UBA6: variants seen among roughly 807,000 people sequenced by gnomAD.
UBA6 encodes the protein ubiquitin like modifier activating enzyme 6, also known as ubiquitin-like modifier-activating enzyme 6.
A neutral mutation model predicts 148.3 loss-of-function variants in UBA6; 87 were observed. That is an observed-to-expected ratio of 0.59 (90% CI 0.49 to 0.70). The LOEUF (loss-of-function observed/expected upper bound fraction) is 0.70, where lower values mean the gene tolerates loss of function less well. Ranked by LOEUF, UBA6 falls within the 30% of genes least tolerant of loss-of-function variation. The pLI, the probability that UBA6 is intolerant of heterozygous loss-of-function variation, is 0.00. For missense variants in UBA6, 1,186 were observed against 1,241.2 expected (o/e 0.96, Z 0.67); for synonymous variants, 376 against 401.0 (o/e 0.94, Z 0.75).
At chr4:67,653,648 C>T (rs1300419304) in intron 13 of UBA6, among the ~76,000 whole-genome samples, 1 of 151,814 alleles carries the variant, frequency 6.6e-6, no homozygotes, top group African/African-American at 2.4e-5. Context: ...ATTGGAGATC[C>T]TCGCCAGCAA....
At chr4:67,652,501 C>G (rs1729575800) in intron 13 of UBA6, among the ~76,000 whole-genome samples, 1 of 152,188 alleles carries the variant, frequency 6.6e-6, no homozygotes, top group Non-Finnish European at 1.5e-5. Flanking sequence ...CAAAACGGTA[C>G]AGCTACTTTG....
chr4:67,659,579 T>C (rs1197539031), intron 13 of UBA6, among the ~76,000 whole-genome samples: 1 of 152,106 alleles, frequency 6.6e-6, no homozygotes, highest in Admixed American at 6.5e-5. Flanking sequence ...GTCAATTACC[T>C]CTTTCCTATA....
chr4:67,635,702 C>G (rs1729122491), intron 19 of UBA6, 144 bp from the exon 20 acceptor site: 1 of 601,508 alleles, frequency 1.7e-6, no homozygotes, highest in Non-Finnish European at 3.0e-6. Flanking sequence ...ATACTACTAT[C>G]AAACAGTGGA....
chr4:67,677,822 C>A, intron 5 of UBA6, 100 bp from the exon 6 acceptor site: 1 of 557,416 alleles, frequency 1.8e-6, no homozygotes, highest in South Asian at 3.0e-5. Flanking sequence ...TGACATGTTA[C>A]AAAATTTCAA....
In UBA6 at chr4:67,668,543, T is replaced by C. The variant is rs745446160; in HGVS notation, c.793+8A>G. On this transcript the variant is annotated splice_region_variant and intron_variant, in intron 9 of 32. Transcript: ENST00000322244. ...GTATAAATGAATTAATAAAACACAT[T>C]GACTTACCCGTTATTTGTTGTATAG... The C allele has an allele frequency of 6.2e-7, 1 of 1,605,950 alleles. No individual in the cohort carries two copies. Among genetic ancestry groups the C allele is most frequent in the East Asian group, 2.2e-5 (1 of 44,722 alleles).
chr4:67,669,204 T>C (rs1268741971), intron 8 of UBA6, among the ~76,000 whole-genome samples: 1 of 152,184 alleles, frequency 6.6e-6, no homozygotes. Context: ...TAAGAATCCA[T>C]ACCATATTTT....
At chr4:67,691,678 A>G (rs1475705959) in intron 2 of UBA6, among the ~76,000 whole-genome samples, 4 of 152,226 alleles carry the variant, frequency 2.6e-5, no homozygotes, top group African/African-American at 7.2e-5. Flanking sequence ...AGAAGCTGAG[A>G]AAAGTCATGA....
chr4:67,699,909 G>A (rs1408134457), intron 1 of UBA6, among the ~76,000 whole-genome samples: 2 of 152,118 alleles, frequency 1.3e-5, no homozygotes, highest in Non-Finnish European at 2.9e-5. Context: ...CCCGGCCAAA[G>A]TTTTTTATTA....
At chr4:67,639,249 G>A in intron 18 of UBA6, 125 bp from the exon 19 acceptor site, 1 of 658,816 alleles carries the variant, frequency 1.5e-6, no homozygotes, top group Non-Finnish European at 2.4e-6. Context: ...TATAATGAGA[G>A]TAATGAGACC....
At chr4:67,679,349 C>T (rs28688325) in intron 4 of UBA6, among the ~76,000 whole-genome samples, 1,748 of 152,200 alleles carry the variant, frequency 0.011, 41 homozygotes, top group African/African-American at 0.04. Context: ...CCTGAAAATA[C>T]TTTGTTTAAA....
intron 17 of UBA6, among the ~76,000 whole-genome samples, chr4:67,643,991 A>G (rs1307476998): frequency 6.6e-6 from 1 of 152,108 alleles, no homozygotes. Context: ...GTTAACTATG[A>G]TAGTAATGTA....
At position 67,613,654 on chromosome 4, in the gene UBA6, A is replaced by G. The variant is rs999324955; in HGVS notation, c.*5343T>C. On this transcript the variant is annotated 3_prime_UTR_variant, in exon 33 of 33. Coordinates refer to ENST00000322244, the MANE Select transcript of UBA6 (RefSeq NM_018227.6). ...TGATGGTATACTAGCACAGGGATAG[A>G]AAAAAGGGAAAAAATGTTTAGAAAG... The G allele has an allele frequency of 8.5e-5, 13 of 152,274 alleles. No individual in the cohort carries two copies. Among genetic ancestry groups the G allele is most frequent in the African/African-American group, 1.9e-4 (8 of 41,550 alleles). The allele number at this position is 152,274 out of a possible 1,614,324, so 9.4% of individuals were successfully genotyped here. A position where few individuals can be genotyped will look rare whatever the true frequency, so the allele number is the denominator to read the frequency against.
intron 27 of UBA6, among the ~76,000 whole-genome samples, chr4:67,628,014 A>G (rs1420228296): frequency 5.3e-5 from 8 of 150,090 alleles, no homozygotes; most frequent in African/African-American, 1.5e-4. Context: ...TCCATTATAC[A>G]GTATAATACC....
chr4:67,682,803 A>C (rs565983532), intron 2 of UBA6, among the ~76,000 whole-genome samples: 1 of 152,354 alleles, frequency 6.6e-6, no homozygotes. Context: ...AACAATGAGA[A>C]ACTTGATGCT....
chr4:67,633,802 C>T (rs1410262058), intron 22 of UBA6, among the ~76,000 whole-genome samples: 1 of 151,906 alleles, frequency 6.6e-6, no homozygotes, highest in Non-Finnish European at 1.5e-5. Context: ...AAAAAGTGGG[C>T]CTTGTTAGCA....
chr4:67,689,288 T>C lies in UBA6; in HGVS notation c.135-7075A>G, dbSNP rs143294391. Among the ~76,000 whole-genome samples, 157 of 152,288 alleles carry C rather than the reference T, an allele frequency of 1.0e-3. 1 individual carries two copies. Among genetic ancestry groups the C allele is most frequent in the Non-Finnish European group, 1.8e-3 (123 of 67,980 alleles). ...TCAACTTAATAATATTTTCAACTTA[T>C]GGGTTTATCAGGACATAACTCCATT... is the stretch of plus-strand genomic sequence containing the variant. On this transcript the variant is annotated intron_variant, in intron 2 of 32. Coordinates refer to ENST00000322244, the MANE Select transcript of UBA6 (RefSeq NM_018227.6).
Position 67,634,501 on chromosome 4 carries a change from C to A in UBA6, c.1860G>T (p.Glu620Asp). The A allele has an allele frequency of 6.3e-7, 1 of 1,580,016 alleles. No homozygotes were observed. The highest frequency in any genetic ancestry group is 8.6e-7 in the Non-Finnish European group (1 of 1,169,550). Residue 620 changes from glutamate to aspartate, a missense_variant, in exon 21 of 33, where the codon GAG becomes GAT. Transcript: ENST00000322244. ...ATTTTAGAGTACAAAATGGTATTTC[C>A]TCTTCTGGGGGATCCCGCTAATTTA... ...SYNSHRDPPE[E>D]EIPFCTLKSF... is the part of the protein sequence containing the mutation.
In UBA6 at chr4:67,616,407, T is replaced by C. The variant is rs1364851178; in HGVS notation, c.*2590A>G. ...TTGCTTTTTTAATGTTCCATGAATA[T>C]CACCAGAGTGTGACATAGTAGATTA... On this transcript the variant is annotated 3_prime_UTR_variant, in exon 33 of 33. Coordinates refer to ENST00000322244, the MANE Select transcript of UBA6 (RefSeq NM_018227.6). The C allele has an allele frequency of 3.1e-6, 1 of 318,876 alleles. No homozygotes were observed. The highest frequency in any genetic ancestry group is 2.1e-5 in the African/African-American group (1 of 47,094). 19.8% of individuals were successfully genotyped at this position (318,876 alleles called of 1,614,324 possible).
At position 67,616,249 on chromosome 4, in the gene UBA6, A is replaced by C. The variant is rs1004506066; in HGVS notation, c.*2748T>G. ...TAAATCCATACACAGTGATTATATA[A>C]AATTAGATATTTGCAATCACAATGA... On this transcript the variant is annotated 3_prime_UTR_variant, in exon 33 of 33. Coordinates refer to ENST00000322244, the MANE Select transcript of UBA6 (RefSeq NM_018227.6). 1.5e-5 allele frequency: 6 copies of C among 394,184 alleles called. No homozygotes were observed. The highest frequency in any genetic ancestry group is 6.4e-4 in the Middle Eastern group (1 of 1,574). The allele number at this position is 394,184 out of a possible 1,614,324, so 24.4% of individuals were successfully genotyped here.
Sources: allele counts gnomAD v4.1 joint callset (sites outside exome capture counted in the v4.1 genomes callset), GRCh38; gene constraint gnomAD v4.1.1; transcripts MANE v1.5; gene names NCBI Gene and HGNC (gene_info 2026-07-23, HGNC 2026-07-21).